GLYR1: variants seen among roughly 807,000 people sequenced by gnomAD.
GLYR1 encodes the protein glyoxylate reductase 1 homolog.
Under a neutral mutation model 72.7 loss-of-function variants are expected in GLYR1, and 21 were observed. The ratio of observed to expected loss-of-function variants is 0.29; its 90% confidence interval spans 0.20 to 0.42. The LOEUF (loss-of-function observed/expected upper bound fraction) is 0.42. Among genes scored for constraint, GLYR1 ranks in the 10% least tolerant of loss-of-function variants. The probability of loss-of-function intolerance (pLI) is 1.00; values close to 1 mark genes in which losing one functional copy is unlikely to be tolerated. For missense variants in GLYR1, 594 were observed against 712.1 expected, an observed-to-expected ratio of 0.83 and a Z score of 1.89; for synonymous variants, 392 against 270.2, an observed-to-expected ratio of 1.45 and a Z score of -4.42.
chr16:4,810,325 C>T (rs2083253495), intron 15 of GLYR1, among the ~76,000 whole-genome samples: 1 of 151,570 alleles, frequency 6.6e-6, no homozygotes, highest in Non-Finnish European at 1.5e-5. Context: ...GGCAAAACCC[C>T]ATCTCTACTA....
rs143624351 is a variant in GLYR1 at position 4,804,933 on chromosome 16, CTGTGTGTGTGTGTGTGTGTGTG to C, written c.*281_*302del. The C allele has an allele frequency of 3.0e-5, 9 of 297,518 alleles. No homozygotes were observed. The highest frequency in any genetic ancestry group is 1.3e-4 in the Admixed American group (3 of 23,216). The allele number at this position is 297,518 out of a possible 1,614,324, so 18.4% of individuals were successfully genotyped here. A position where few individuals can be genotyped will look rare whatever the true frequency, so the allele number is the denominator to read the frequency against. ...GCAGCTTCTATCCTGGGGCGAGAGC[CTGTGTGTGTGTGTGTGTGTGTG>C]TGTGTGTGTGTGTGTGAACACACAG... On this transcript the variant is annotated 3_prime_UTR_variant, in exon 16 of 16. Coordinates refer to ENST00000321919, the MANE Select transcript of GLYR1 (RefSeq NM_032569.4).
intron 1 of GLYR1, 57 bp from the exon 2 acceptor site, chr16:4,846,267 A>T: frequency 6.4e-7 from 1 of 1,562,908 alleles, no homozygotes; most frequent in Non-Finnish European, 8.8e-7. Context: ...CATCTCCTTC[A>T]ACCCACTCAA....
At chr16:4,822,307 G>C (rs993020430) in intron 7 of GLYR1, among the ~76,000 whole-genome samples, 2 of 151,906 alleles carry the variant, frequency 1.3e-5, no homozygotes, top group Non-Finnish European at 2.9e-5. Flanking sequence ...GGCTGGTCTT[G>C]AACTCCTGAC....
intron 5 of GLYR1, among the ~76,000 whole-genome samples, chr16:4,831,093 G>C (rs2084768765): frequency 1.3e-5 from 2 of 152,130 alleles, no homozygotes. Context: ...TTAAGAAAGT[G>C]ATGACCACTT....
intron 3 of GLYR1, chr16:4,839,225 T>A (rs1325510100): frequency 6.6e-6 from 1 of 151,952 alleles, no homozygotes; most frequent in Non-Finnish European, 1.5e-5. Flanking sequence ...AGTATAAAGG[T>A]GAGAACAAGC....
At chr16:4,823,034 T>G (rs926967639) in intron 6 of GLYR1, 103 bp from the exon 7 acceptor site, 8 of 950,178 alleles carry the variant, frequency 8.4e-6, no homozygotes, top group Non-Finnish European at 1.2e-5. Context: ...ACCTCTGGAT[T>G]CTGGTCTCTT....
rs1338173439 is a variant in GLYR1 at position 4,809,684 on chromosome 16, G to T, written c.1587+1486C>A. On this transcript the variant is annotated intron_variant, in intron 15 of 15. Transcript: ENST00000321919. The stretch of plus-strand genomic sequence containing the variant: ...CATGCCTGTCATCCCAGCACTTTGG[G>T]AGGCTGAGGTGGACGGATCACCTGA... Among the ~76,000 whole-genome samples the T allele has an allele frequency of 3.3e-5, 5 of 151,008 alleles. No homozygotes were observed. The East Asian group carries it at 9.8e-4, about 29-fold the overall frequency.
At chr16:4,837,973 A>C (rs2085269554) in intron 3 of GLYR1, among the ~76,000 whole-genome samples, 1 of 150,536 alleles carries the variant, frequency 6.6e-6, no homozygotes, top group Admixed American at 6.6e-5. Context: ...ATAAATAAAT[A>C]AAGATAAGAA....
intron 10 of GLYR1, among the ~76,000 whole-genome samples, chr16:4,815,794 T>TA (rs910771640): frequency 6.6e-6 from 1 of 152,224 alleles, no homozygotes; most frequent in African/African-American, 2.4e-5. Flanking sequence ...GTTTCATTTT[T>TA]TTTTTTTGAG....
At chr16:4,821,107 G>T in intron 9 of GLYR1, 1 of 533,966 alleles carries the variant, frequency 1.9e-6, no homozygotes, top group East Asian at 3.1e-5. Flanking sequence ...TCAGGCACAG[G>T]AAAGTCTGAG....
rs773808714 is a variant in GLYR1, at chr16:4,832,066, G to A, written c.450C>T (p.Gly150=). Residue 150 remains glycine, a synonymous_variant, in exon 5 of 16, where the codon GGC becomes GGT. Transcript: ENST00000321919. ...GGGATTTGGAGCCTCTCTCTGAAGA[G>A]CCTGAAGACACCCTCTTCTTTCCTT... ...MGEGKKRVSS[G]SSERGSKSPL... is the part of the protein sequence containing the mutation. 13 of 1,614,164 alleles carry A rather than the reference G, an allele frequency of 8.1e-6. No homozygotes were observed. The highest frequency in any genetic ancestry group is 1.6e-4 in the Middle Eastern group (1 of 6,062).
chr16:4,804,636 G>C lies in GLYR1; in HGVS notation c.*600C>G, dbSNP rs1301790152. On this transcript the variant is annotated 3_prime_UTR_variant, in exon 16 of 16. Coordinates refer to ENST00000321919, the MANE Select transcript of GLYR1 (RefSeq NM_032569.4). ...TCTATGGAGCGCTGGGTGCACACTG[G>C]ACGCTTAGACGTGAACATCTTTCTC... The C allele has an allele frequency of 1.3e-5, 2 of 155,738 alleles. No individual in the cohort carries two copies. The highest frequency in any genetic ancestry group is 4.8e-5 in the African/African-American group (2 of 41,500). The allele number at this position is 155,738 out of a possible 1,614,324, so 9.6% of individuals were successfully genotyped here.
intron 3 of GLYR1, 94 bp downstream of exon 3, chr16:4,844,980 G>T: frequency 1.2e-6 from 1 of 829,880 alleles, no homozygotes; most frequent in South Asian, 1.5e-5. Context: ...TAAGAAGACT[G>T]AACTAAGGAT....
At chr16:4,815,155 G>C (rs1027545381) in intron 10 of GLYR1, among the ~76,000 whole-genome samples, 3 of 151,982 alleles carry the variant, frequency 2.0e-5, no homozygotes, top group East Asian at 1.9e-4. Flanking sequence ...ACCCAGGCTG[G>C]AGCACAGTGG....
chr16:4,817,039 AT>A (rs2083684232), intron 10 of GLYR1, among the ~76,000 whole-genome samples: 1 of 149,650 alleles, frequency 6.7e-6, no homozygotes, highest in African/African-American at 2.5e-5. Context: ...TGCCTCCCAC[AT>A]TCAAGTTATT....
At chr16:4,837,964 TAAATAAATAAA>T (rs2085268676) in intron 3 of GLYR1, among the ~76,000 whole-genome samples, 1 of 142,762 alleles carries the variant, frequency 7.0e-6, no homozygotes, top group South Asian at 2.2e-4. Context: ...AATAAATAAA[TAAATAAATAAA>T]GATAAGAATA....
chr16:4,828,288 C>T (rs1483325407), intron 5 of GLYR1, among the ~76,000 whole-genome samples: 7 of 152,034 alleles, frequency 4.6e-5, no homozygotes, highest in African/African-American at 1.4e-4. Context: ...CCAGGATGGT[C>T]TCCATCTCCT....
chr16:4,832,434 GAAGA>G (rs775371744), intron 4 of GLYR1: 7 of 625,542 alleles, frequency 1.1e-5, no homozygotes, highest in Non-Finnish European at 1.9e-5. Context: ...CCCAAAACTA[GAAGA>G]AAGGATTTAA....
intron 9 of GLYR1, among the ~76,000 whole-genome samples, chr16:4,820,534 C>G (rs537430028): frequency 1.3e-5 from 2 of 152,186 alleles, no homozygotes; most frequent in Admixed American, 1.3e-4. Flanking sequence ...AATCCTCCTC[C>G]CCTTTGTTTG....
Sources: allele counts gnomAD v4.1 joint callset (sites outside exome capture counted in the v4.1 genomes callset), GRCh38; gene constraint gnomAD v4.1.1; transcripts MANE v1.5; gene names NCBI Gene and HGNC (gene_info 2026-07-23, HGNC 2026-07-21).